DTWD2: variants seen among roughly 807,000 people sequenced by gnomAD.
The protein encoded by DTWD2 is tRNA-uridine aminocarboxypropyltransferase 2.
Under a neutral mutation model 31.8 loss-of-function variants are expected in DTWD2, and 39 were observed. That is an observed-to-expected ratio of 1.22 (90% CI 0.95 to 1.60). The LOEUF (loss-of-function observed/expected upper bound fraction) is 1.60. DTWD2 is among the 40% of genes most tolerant of loss of function. DTWD2 has a pLI of 0.00. For missense variants in DTWD2, 515 were observed against 381.5 expected (o/e 1.35, Z -2.92); for synonymous variants, 180 against 142.8 (o/e 1.26, Z -1.86).
intron 4 of DTWD2, among the ~76,000 whole-genome samples, chr5:118,862,824 T>C (rs1047438704): frequency 2.0e-5 from 3 of 152,164 alleles, no homozygotes; most frequent in Non-Finnish European, 4.4e-5. Context: ...TTCCCAGTGA[T>C]TAGTTTAGGG....
intron 4 of DTWD2, among the ~76,000 whole-genome samples, chr5:118,896,203 C>T (rs1753081210): frequency 6.6e-6 from 1 of 152,152 alleles, no homozygotes; most frequent in Admixed American, 6.5e-5. Context: ...TCAGGAACTA[C>T]AAACCAGTGA....
Position 118,886,400 on chromosome 5 carries a change from T to C in DTWD2, c.598-38182A>G, listed in dbSNP as rs143432398. Reference sequence around the variant, plus strand: ...AAATAAATCCCTGTGAAGGAATATGTTGTGGGTACTATGGAAATAGTGGGA... The same window carrying C: ...AAATAAATCCCTGTGAAGGAATATGCTGTGGGTACTATGGAAATAGTGGGA... On this transcript the variant is annotated intron_variant, in intron 4 of 5. Transcript: ENST00000510708. Among the ~76,000 whole-genome samples, 46 of 152,298 alleles carry C rather than the reference T, an allele frequency of 3.0e-4. 1 individual carries two copies. The East Asian group carries it at 8.7e-3, about 29-fold the overall frequency.
chr5:118,857,286 C>G (rs1421237064), intron 4 of DTWD2, among the ~76,000 whole-genome samples: 3 of 152,066 alleles, frequency 2.0e-5, no homozygotes, highest in Non-Finnish European at 4.4e-5. Context: ...AGTATAACCT[C>G]TATGTGTACA....
rs1045873409 is a variant in DTWD2, at chr5:118,885,089, G to A, written c.598-36871C>T. ...TTTGGGAAGCCAAGGCAGGAGGACT[G>A]CTTAAGCCCAAGAGTTCAAGACCAG... On this transcript the variant is annotated intron_variant, in intron 4 of 5. Transcript: ENST00000510708. Among the ~76,000 whole-genome samples, 7 of 150,316 alleles carry A rather than the reference G, an allele frequency of 4.7e-5. No individual in the cohort carries two copies. The South Asian group carries it at 1.5e-3, about 32-fold the overall frequency.
Position 118,851,487 on chromosome 5 carries a change from G to T in DTWD2, c.598-3269C>A, listed in dbSNP as rs534005117. ...GTATGAACAGGGAGTAGGTCACAAAGATTACATGCTTCAAAGGGCAAAAAG... is the reference window on the plus strand; with the variant it reads ...GTATGAACAGGGAGTAGGTCACAAATATTACATGCTTCAAAGGGCAAAAAG... On this transcript the variant is annotated intron_variant, in intron 4 of 5. Transcript: ENST00000510708. 5.3e-4 allele frequency among the ~76,000 whole-genome samples: 81 copies of T among 152,096 alleles called. 1 individual carries two copies. The highest frequency in any genetic ancestry group is 2.0e-3 in the Admixed American group (31 of 15,268).
At chr5:118,842,411 C>A (rs1317033233) in intron 5 of DTWD2, among the ~76,000 whole-genome samples, 2 of 152,038 alleles carry the variant, frequency 1.3e-5, no homozygotes, top group Non-Finnish European at 2.9e-5. Context: ...TAGAAAATAA[C>A]TGTTGAAGGT....
At chr5:118,965,660 CAT>C (rs1754828118) in intron 1 of DTWD2, among the ~76,000 whole-genome samples, 2 of 152,182 alleles carry the variant, frequency 1.3e-5, no homozygotes, top group Non-Finnish European at 1.5e-5. Context: ...CTCTCTGAAA[CAT>C]GTGCTGTGTC....
At chr5:118,952,993 G>A (rs1422334259) in intron 1 of DTWD2, among the ~76,000 whole-genome samples, 2 of 152,150 alleles carry the variant, frequency 1.3e-5, no homozygotes, top group Non-Finnish European at 2.9e-5. Context: ...ACTTCTAGAT[G>A]ATGAACCCTC....
chr5:118,979,980 C>T (rs1482732210), intron 1 of DTWD2, among the ~76,000 whole-genome samples: 1 of 152,228 alleles, frequency 6.6e-6, no homozygotes, highest in Non-Finnish European at 1.5e-5. Context: ...GCCCATCCTG[C>T]ACATGTACCC....
At chr5:118,984,799 CT>C (rs1341475160) in intron 1 of DTWD2, among the ~76,000 whole-genome samples, 2 of 152,082 alleles carry the variant, frequency 1.3e-5, no homozygotes, top group Non-Finnish European at 2.9e-5. Context: ...TGGTTTATGA[CT>C]CATCCTCAAA....
At position 118,928,558 on chromosome 5, in the gene DTWD2, G is replaced by C. The variant is rs761111170; in HGVS notation, c.576C>G (p.Ser192=). 1 of 1,517,958 alleles carries C rather than the reference G, an allele frequency of 6.6e-7. No homozygotes were observed. Among genetic ancestry groups the C allele is most frequent in the East Asian group, 2.3e-5 (1 of 42,602 alleles). 94.0% of individuals were successfully genotyped at this position (1,517,958 alleles called of 1,614,324 possible). A position where few individuals can be genotyped will look rare whatever the true frequency, so the allele number is the denominator to read the frequency against. ...SQAKDIFYKN[S]LFRHPKQVQL... ...TTACCTGTTTGGGATGTCGGAACAA[G>C]GAGTTCTTATAGAAAATGTCCTTAG... The change falls in exon 4 of 6, where the codon TCC becomes TCG. Residue 192 remains serine, a synonymous_variant. Coordinates refer to ENST00000510708, the MANE Select transcript of DTWD2 (RefSeq NM_173666.4).
At chr5:118,851,235 A>AC (rs1173052102) in intron 4 of DTWD2, among the ~76,000 whole-genome samples, 10 of 151,596 alleles carry the variant, frequency 6.6e-5, no homozygotes, top group Non-Finnish European at 1.0e-4. Flanking sequence ...AAAAAAAAAA[A>AC]AAAGAAAGAA....
intron 5 of DTWD2, among the ~76,000 whole-genome samples, chr5:118,846,973 C>T (rs1026836612): frequency 1.3e-4 from 19 of 147,002 alleles, no homozygotes; most frequent in African/African-American, 3.5e-4. Flanking sequence ...CACATACACA[C>T]GAAAATCCTA....
intron 4 of DTWD2, among the ~76,000 whole-genome samples, chr5:118,925,474 ATAAAAG>A (rs763127717): frequency 6.6e-6 from 1 of 152,242 alleles, no homozygotes; most frequent in Non-Finnish European, 1.5e-5. Context: ...AAAATCAGAA[ATAAAAG>A]TAAAATAATG....
At chr5:118,915,329 C>A (rs1244779080) in intron 4 of DTWD2, among the ~76,000 whole-genome samples, 3 of 151,756 alleles carry the variant, frequency 2.0e-5, no homozygotes, top group Admixed American at 2.0e-4. Flanking sequence ...TTCCCACTAA[C>A]CAGGACAAGC....
intron 4 of DTWD2, among the ~76,000 whole-genome samples, chr5:118,858,978 A>G (rs974135862): frequency 2.0e-5 from 3 of 152,202 alleles, no homozygotes; most frequent in Non-Finnish European, 4.4e-5. Flanking sequence ...ATTGTATCAC[A>G]TTATGAAGTA....
chr5:118,868,315 A>G (rs182418768), intron 4 of DTWD2, among the ~76,000 whole-genome samples: 242 of 152,044 alleles, frequency 1.6e-3, no homozygotes, highest in African/African-American at 5.5e-3. Flanking sequence ...AAATTCTTAG[A>G]AAAAAAATAG....
intron 1 of DTWD2, among the ~76,000 whole-genome samples, chr5:118,959,342 C>T (rs540347601): frequency 3.3e-5 from 5 of 152,186 alleles, no homozygotes; most frequent in Admixed American, 3.3e-4. Context: ...CACAATCCCA[C>T]TCACAATAGA....
chr5:118,940,567 T>G (rs933766656), intron 2 of DTWD2, among the ~76,000 whole-genome samples: 3 of 152,218 alleles, frequency 2.0e-5, no homozygotes, highest in African/African-American at 7.2e-5. Flanking sequence ...ATTTATCGAT[T>G]TTAGATATTA....
Sources: gnomAD v4.1 joint callset for allele counts (sites outside exome capture counted in the v4.1 genomes callset) on GRCh38, gnomAD v4.1.1 for gene constraint, MANE v1.5 for transcripts, NCBI Gene and HGNC (gene_info 2026-07-23, HGNC 2026-07-21) for gene names.